The following ADGRL3 variants were observed in gnomAD, a reference collection of about 807,000 sequenced individuals.
The protein encoded by ADGRL3 is calcium-independent alpha-latrotoxin receptor 3.
In ADGRL3, 62 loss-of-function variants were observed where a neutral mutation model predicts 153.5. The ratio of observed to expected loss-of-function variants is 0.40; its 90% CI spans 0.33 to 0.50. The LOEUF (loss-of-function observed/expected upper bound fraction) is 0.50, where lower values mean the gene tolerates loss of function less well. Ranked by LOEUF, ADGRL3 falls within the 20% of genes least tolerant of loss-of-function variation. The pLI is 0.47. For synonymous variants in ADGRL3, 710 were observed against 672.5 expected (o/e 1.06, Z -0.86); for missense variants, 1,641 against 1,859.4 (o/e 0.88, Z 2.16).
intron 6 of ADGRL3, among the ~76,000 whole-genome samples, chr4:61,687,120 T>A (rs189743038): frequency 6.6e-6 from 1 of 152,158 alleles, no homozygotes; most frequent in East Asian, 1.9e-4. Context: ...TACCATAAAA[T>A]TTTTAATTGC....
intron 2 of ADGRL3, among the ~76,000 whole-genome samples, chr4:61,472,291 T>C (rs889088594): frequency 1.3e-5 from 2 of 152,136 alleles, no homozygotes; most frequent in African/African-American, 4.8e-5. Flanking sequence ...GAACTTTAAA[T>C]ATGATCTTAT....
intron 1 of ADGRL3, among the ~76,000 whole-genome samples, chr4:61,265,383 A>C (rs576143590): frequency 2.0e-5 from 3 of 151,948 alleles, no homozygotes; most frequent in African/African-American, 7.2e-5. Context: ...CATATGCCTG[A>C]TGATTCTGGG....
intron 1 of ADGRL3, among the ~76,000 whole-genome samples, chr4:61,214,849 G>T (rs1741889813): frequency 6.6e-6 from 1 of 152,106 alleles, no homozygotes; most frequent in Admixed American, 6.5e-5. Flanking sequence ...GAGGCTGGAG[G>T]ATCCCTTGAG....
intron 5 of ADGRL3, among the ~76,000 whole-genome samples, chr4:61,667,227 A>T (rs1218700121): frequency 6.6e-6 from 1 of 152,172 alleles, no homozygotes; most frequent in African/African-American, 2.4e-5. Context: ...TCTTTGCAAG[A>T]TTACCACATT....
At chr4:61,360,688 A>G (rs2096269387) in intron 1 of ADGRL3, among the ~76,000 whole-genome samples, 1 of 152,208 alleles carries the variant, frequency 6.6e-6, no homozygotes, top group South Asian at 2.1e-4. Flanking sequence ...ACATTTTTCA[A>G]TGAAATTTTA....
intron 2 of ADGRL3, among the ~76,000 whole-genome samples, chr4:61,442,568 A>G (rs1415234919): frequency 6.6e-6 from 1 of 152,142 alleles, no homozygotes; most frequent in Non-Finnish European, 1.5e-5. Flanking sequence ...GGGAGAGGTA[A>G]TAAGAGGAAG....
chr4:61,885,925 A>G (rs1173377072), intron 9 of ADGRL3, among the ~76,000 whole-genome samples: 1 of 152,166 alleles, frequency 6.6e-6, no homozygotes, highest in South Asian at 2.1e-4. Context: ...CTAAATATGC[A>G]CCAGATAATA....
intron 9 of ADGRL3, among the ~76,000 whole-genome samples, chr4:61,863,624 A>G (rs2098371423): frequency 6.6e-6 from 1 of 152,192 alleles, no homozygotes; most frequent in South Asian, 2.1e-4. Context: ...ACAGACACAC[A>G]TATATGTACA....
At chr4:61,345,286 G>C (rs1314342894) in intron 1 of ADGRL3, among the ~76,000 whole-genome samples, 1 of 151,940 alleles carries the variant, frequency 6.6e-6, no homozygotes, top group Non-Finnish European at 1.5e-5. Context: ...AGACATTTTT[G>C]TAGCTCTAAT....
chr4:61,560,093 G>A (rs920493564), intron 4 of ADGRL3, among the ~76,000 whole-genome samples: 6 of 151,978 alleles, frequency 3.9e-5, no homozygotes, highest in Non-Finnish European at 8.8e-5. Flanking sequence ...TGACCAGAGA[G>A]CATTAAAGAG....
intron 19 of ADGRL3, among the ~76,000 whole-genome samples, chr4:61,984,678 C>G (rs76903566): frequency 0.028 from 4,240 of 152,140 alleles, 84 homozygotes; most frequent in South Asian, 0.043. Context: ...ACCTCTGCAA[C>G]AAGTCTGTTT....
intron 1 of ADGRL3, among the ~76,000 whole-genome samples, chr4:61,311,118 A>T (rs2094986497): frequency 6.6e-6 from 1 of 152,114 alleles, no homozygotes; most frequent in Admixed American, 6.6e-5. Flanking sequence ...ACACAAACAA[A>T]ATCCTAATAT....
At chr4:62,045,276 G>A (rs936471470) in intron 25 of ADGRL3, among the ~76,000 whole-genome samples, 1 of 151,362 alleles carries the variant, frequency 6.6e-6, no homozygotes, top group Admixed American at 6.6e-5. Context: ...TGTATGTGTG[G>A]GGATATGATT....
At chr4:61,578,181 G>C (rs930949195) in intron 4 of ADGRL3, among the ~76,000 whole-genome samples, 10 of 151,894 alleles carry the variant, frequency 6.6e-5, no homozygotes, top group African/African-American at 9.7e-5. Context: ...TGTTTTCTCT[G>C]TGTGTGACAC....
Position 61,733,389 on chromosome 4 carries a change from A to C in ADGRL3, c.1234A>C (p.Asn412His), listed in dbSNP as rs1053496045. 3 of 1,613,684 alleles carry C rather than the reference A, an allele frequency of 1.9e-6. No individual in the cohort carries two copies. The African/African-American group carries it at 4.0e-5, about 22-fold the overall frequency. The change falls in exon 8 of 27, where the codon AAC becomes CAC. Residue 412 changes from asparagine (N) to histidine (H), a missense_variant. By Grantham distance (68) the Asn-to-His change is moderately conservative (BLOSUM62 1). Transcript: ENST00000683033. ...TGGAAATAAGATTGACTACATTTAC[A>C]ACACTGACCAAAGCAAGGATAGTTT... The part of the protein sequence containing the change: ...ATGNKIDYIY[N>H]TDQSKDSLVD...
Position 61,420,789 on chromosome 4 carries a change from C to CAAAAAAAAAAAA in ADGRL3, c.-174+37607_-174+37618dup, listed in dbSNP as rs781119391. ...GAGTACCTAAGGTCATACCCAAGGT[C>CAAAAAAAAAAAA]AAAAAAAAAAAAAAAAAAGTCTACT... On this transcript the variant is annotated intron_variant, in intron 2 of 26. Coordinates refer to ENST00000683033, the MANE Select transcript of ADGRL3 (RefSeq NM_001387552.1). The CAAAAAAAAAAAA allele has an allele frequency of 3.6e-5, 4 of 112,612 alleles. 2 individuals carry two copies. The highest frequency in any genetic ancestry group is 3.4e-5 in the Non-Finnish European group (2 of 58,386). 7.0% of individuals were successfully genotyped at this position (112,612 alleles called of 1,614,324 possible).
At chr4:61,737,850 C>T (rs1246608264) in intron 8 of ADGRL3, among the ~76,000 whole-genome samples, 1 of 152,076 alleles carries the variant, frequency 6.6e-6, no homozygotes, top group Non-Finnish European at 1.5e-5. Context: ...ATTGTATCTA[C>T]TCTTCAACCA....
chr4:61,272,527 T>G (rs1174118802), intron 1 of ADGRL3, among the ~76,000 whole-genome samples: 1 of 152,082 alleles, frequency 6.6e-6, no homozygotes, highest in Non-Finnish European at 1.5e-5. Context: ...TAAATTAAAA[T>G]AATAACGTAG....
intron 2 of ADGRL3, among the ~76,000 whole-genome samples, chr4:61,387,869 T>C (rs1424554370): frequency 2.0e-5 from 3 of 152,128 alleles, no homozygotes; most frequent in South Asian, 4.1e-4. Context: ...AGGGTATTGA[T>C]TGGGGAAGTG....
Sources: gnomAD v4.1 joint callset for allele counts (sites outside exome capture counted in the v4.1 genomes callset) on GRCh38, gnomAD v4.1.1 for gene constraint, MANE v1.5 for transcripts, NCBI Gene and HGNC (gene_info 2026-07-23, HGNC 2026-07-21) for gene names.